Variants in FBXW11 observed in about 807,000 individuals in gnomAD.
The protein encoded by FBXW11 is F-box/WD repeat-containing protein 11.
FBXW11 carries 19 observed loss-of-function variants against 77.6 expected under a neutral mutation model. The ratio of observed to expected loss-of-function variants is 0.24; its 90% CI spans 0.17 to 0.36. FBXW11 has a LOEUF of 0.36. FBXW11 is among the 10% of genes least tolerant of loss of function. FBXW11 has a pLI of 1.00. For missense variants in FBXW11, 334 were observed against 704.2 expected, an observed-to-expected ratio of 0.47 and a Z score of 5.95; for synonymous variants, 235 against 249.4, an observed-to-expected ratio of 0.94 and a Z score of 0.54.
At chr5:171,951,398 T>C (rs1763305462) in intron 2 of FBXW11, among the ~76,000 whole-genome samples, 1 of 152,054 alleles carries the variant, frequency 6.6e-6, no homozygotes, top group Non-Finnish European at 1.5e-5. Context: ...TATCTGGGCG[T>C]GGTGGCACAT....
At position 171,878,608 on chromosome 5, in the gene FBXW11, G is replaced by GTGTA. The variant is rs1269909075; in HGVS notation, c.853-480_853-479insTACA. On this transcript the variant is annotated intron_variant, in intron 7 of 13. Coordinates refer to ENST00000517395, the MANE Select transcript of FBXW11 (RefSeq NM_001378974.1). ...TGTGTGTGTAAGAGAGAGAGAGTGT[G>GTGTA]TGTGTGTGTGTGTGTGTGTGTGTGT... 4.9e-5 allele frequency among the ~76,000 whole-genome samples: 7 copies of GTGTA among 142,844 alleles called. No homozygotes were observed. In the South Asian group the frequency reaches 1.3e-3, roughly 26 times the overall value. 93.7% of individuals were successfully genotyped at this position (142,844 alleles called of 152,430 possible).
intron 13 of FBXW11, among the ~76,000 whole-genome samples, chr5:171,866,888 C>A (rs182529597): frequency 6.6e-6 from 1 of 152,286 alleles, no homozygotes; most frequent in Non-Finnish European, 1.5e-5. Context: ...TATGAAGCAT[C>A]TATCCAGAAA....
chr5:171,990,906 C>T (rs1765700354), intron 1 of FBXW11, among the ~76,000 whole-genome samples: 2 of 152,074 alleles, frequency 1.3e-5, no homozygotes, highest in South Asian at 2.1e-4. Context: ...CTCACTGCAA[C>T]CCCCCACCTC....
At chr5:171,965,538 A>T (rs1203338924) in intron 1 of FBXW11, among the ~76,000 whole-genome samples, 2 of 151,936 alleles carry the variant, frequency 1.3e-5, no homozygotes, top group Admixed American at 1.3e-4. Context: ...AAAAATAAAA[A>T]AAAAAAAAAA....
intron 2 of FBXW11, among the ~76,000 whole-genome samples, chr5:171,934,075 T>C (rs941708591): frequency 1.3e-5 from 2 of 152,234 alleles, no homozygotes; most frequent in African/African-American, 4.8e-5. Context: ...ATTCCTGTCA[T>C]GTATGAGAGA....
intron 1 of FBXW11, among the ~76,000 whole-genome samples, chr5:171,981,531 A>G (rs1203336609): frequency 6.6e-6 from 1 of 152,198 alleles, no homozygotes; most frequent in African/African-American, 2.4e-5. Context: ...CTCCAGGTAA[A>G]TACAGTCAGA....
intron 2 of FBXW11, among the ~76,000 whole-genome samples, chr5:171,936,211 G>C (rs769289717): frequency 3.3e-5 from 5 of 151,536 alleles, no homozygotes; most frequent in Admixed American, 6.6e-5. Flanking sequence ...TAAAACTGCA[G>C]GCCAGGTGCA....
intron 9 of FBXW11, among the ~76,000 whole-genome samples, chr5:171,874,873 G>A (rs531013062): frequency 9.9e-5 from 15 of 151,626 alleles, no homozygotes; most frequent in South Asian, 8.4e-4. Context: ...TTGAGCCCAG[G>A]AGGTCAAGGC....
chr5:171,961,677 C>T (rs944525977), intron 1 of FBXW11, among the ~76,000 whole-genome samples: 1 of 151,908 alleles, frequency 6.6e-6, no homozygotes, highest in Non-Finnish European at 1.5e-5. Context: ...GATGGAGCCT[C>T]GCTCTGTCAC....
intron 1 of FBXW11, among the ~76,000 whole-genome samples, chr5:171,988,930 A>G (rs1444014463): frequency 3.3e-5 from 5 of 152,092 alleles, no homozygotes; most frequent in African/African-American, 4.8e-5. Flanking sequence ...TAATCCCAGC[A>G]CTTTGGGAGG....
At chr5:171,909,776 G>A (rs1760767215) in intron 4 of FBXW11, among the ~76,000 whole-genome samples, 1 of 152,196 alleles carries the variant, frequency 6.6e-6, no homozygotes, top group Non-Finnish European at 1.5e-5. Flanking sequence ...TAGTGAGGGA[G>A]AGGATGCAGA....
At chr5:171,943,091 C>G (rs1165202485) in intron 2 of FBXW11, among the ~76,000 whole-genome samples, 1 of 152,110 alleles carries the variant, frequency 6.6e-6, no homozygotes, top group Non-Finnish European at 1.5e-5. Flanking sequence ...TAAGATGCAT[C>G]CTGTAATGTA....
rs78795140 is a variant in FBXW11, at chr5:171,869,835, T to C, written c.1452-28A>G. 2.0e-6 allele frequency: 3 copies of C among 1,517,124 alleles called. No individual in the cohort carries two copies. Among genetic ancestry groups the C allele is most frequent in the African/African-American group, 1.4e-5 (1 of 72,410 alleles). 94.0% of individuals were successfully genotyped at this position (1,517,124 alleles called of 1,614,324 possible). ...AGAAAGGAAAATGAGATGTGATTAGTGGAAAAGTGAACAATTTATATGCTG... is the reference window on the plus strand; with the variant it reads ...AGAAAGGAAAATGAGATGTGATTAGCGGAAAAGTGAACAATTTATATGCTG... On this transcript the variant is annotated intron_variant, in intron 11 of 13. Coordinates refer to ENST00000517395, the MANE Select transcript of FBXW11 (RefSeq NM_001378974.1). The surrounding 1 kb of genome is among the most constrained non-coding windows in gnomAD (Gnocchi z 4.1).
intron 1 of FBXW11, among the ~76,000 whole-genome samples, chr5:171,975,491 C>CA (rs1764780635): frequency 6.6e-6 from 1 of 152,150 alleles, no homozygotes; most frequent in South Asian, 2.1e-4. Flanking sequence ...CTAGAACAAT[C>CA]AGAAGAGTTT....
At chr5:171,995,681 G>A (rs1022563368) in intron 1 of FBXW11, among the ~76,000 whole-genome samples, 1 of 152,000 alleles carries the variant, frequency 6.6e-6, no homozygotes, top group Non-Finnish European at 1.5e-5. Flanking sequence ...ATGAACCAGG[G>A]GGCGGAGCTT....
At chr5:171,881,565 GT>G (rs1193174961) in intron 7 of FBXW11, among the ~76,000 whole-genome samples, 5 of 152,140 alleles carry the variant, frequency 3.3e-5, no homozygotes, top group Admixed American at 2.0e-4. Flanking sequence ...TCTTCATCTA[GT>G]TTAGTACTAA....
At chr5:171,912,631 G>A (rs1186651417) in intron 3 of FBXW11, among the ~76,000 whole-genome samples, 1 of 152,140 alleles carries the variant, frequency 6.6e-6, no homozygotes, top group Non-Finnish European at 1.5e-5. Flanking sequence ...TTTTGGCCAG[G>A]CATGGTGGCT....
chr5:171,991,878 G>A (rs1215310487), intron 1 of FBXW11, among the ~76,000 whole-genome samples: 1 of 152,146 alleles, frequency 6.6e-6, no homozygotes, highest in Non-Finnish European at 1.5e-5. Context: ...ACTTTGGGAG[G>A]CCGAGGTGGG....
chr5:171,965,265 C>T (rs1025793716), intron 1 of FBXW11, among the ~76,000 whole-genome samples: 9 of 152,158 alleles, frequency 5.9e-5, no homozygotes, highest in African/African-American at 1.9e-4. Context: ...ATGGCTCATG[C>T]CTATAATCCC....
Sources: allele counts gnomAD v4.1 joint callset (sites outside exome capture counted in the v4.1 genomes callset), GRCh38; gene constraint gnomAD v4.1.1; non-coding constraint Gnocchi (gnomAD v3.1); transcripts MANE v1.5; gene names NCBI Gene and HGNC (gene_info 2026-07-23, HGNC 2026-07-21).